The following MDGA2 variants were observed in gnomAD, a reference collection of about 807,000 sequenced individuals.
The protein encoded by MDGA2 is MAM domain containing glycosylphosphatidylinositol anchor 2.
Under a neutral mutation model 117.8 loss-of-function variants are expected in MDGA2, and 40 were observed. That is an observed-to-expected ratio of 0.34 (90% CI 0.26 to 0.44). The LOEUF is 0.44. Among genes scored for constraint, MDGA2 ranks in the 20% least tolerant of loss-of-function variants. The pLI, the probability that MDGA2 is intolerant of heterozygous loss-of-function variation, is 1.00. For missense variants in MDGA2, 1,123 were observed against 1,250.6 expected, an observed-to-expected ratio of 0.90 and a Z score of 1.54; for synonymous variants, 452 against 439.0, an observed-to-expected ratio of 1.03 and a Z score of -0.37.
intron 4 of MDGA2, among the ~76,000 whole-genome samples, chr14:47,132,802 T>A (rs1446887010): frequency 1.3e-5 from 2 of 151,942 alleles, no homozygotes; most frequent in African/African-American, 2.4e-5. Flanking sequence ...AATGTTTATT[T>A]TTTCCAGATA....
chr14:47,124,162 GT>G (rs1428735323), intron 5 of MDGA2, among the ~76,000 whole-genome samples: 4 of 151,952 alleles, frequency 2.6e-5, no homozygotes, highest in Non-Finnish European at 4.4e-5. Context: ...AAAGTCCAAT[GT>G]TTTTTCTTCC....
chr14:47,211,891 T>C (rs1885896528), intron 3 of MDGA2, among the ~76,000 whole-genome samples: 1 of 152,224 alleles, frequency 6.6e-6, no homozygotes, highest in Non-Finnish European at 1.5e-5. Flanking sequence ...ATTAACCTTA[T>C]TACTTAACAT....
intron 1 of MDGA2, among the ~76,000 whole-genome samples, chr14:47,418,975 A>C (rs1892526635): frequency 6.6e-6 from 1 of 152,206 alleles, no homozygotes; most frequent in Admixed American, 6.5e-5. Flanking sequence ...ATTGTAGATT[A>C]GAAAAGGATT....
chr14:47,401,827 T>C (rs1229527442), intron 1 of MDGA2, among the ~76,000 whole-genome samples: 1 of 152,170 alleles, frequency 6.6e-6, no homozygotes, highest in South Asian at 2.1e-4. Flanking sequence ...AATTAAGTGA[T>C]AAATTATGAT....
At chr14:47,118,234 G>C (rs1018293122) in intron 5 of MDGA2, among the ~76,000 whole-genome samples, 5 of 152,136 alleles carry the variant, frequency 3.3e-5, no homozygotes, top group Non-Finnish European at 5.9e-5. Context: ...ATTCAGAGCA[G>C]ATTGTTGCCA....
chr14:47,214,099 G>A (rs1885996724), intron 3 of MDGA2, among the ~76,000 whole-genome samples: 1 of 152,028 alleles, frequency 6.6e-6, no homozygotes, highest in African/African-American at 2.4e-5. Flanking sequence ...CCACCTGCAT[G>A]ATTCAATTAC....
At chr14:47,230,511 G>C (rs1161633000) in intron 2 of MDGA2, among the ~76,000 whole-genome samples, 1 of 151,894 alleles carries the variant, frequency 6.6e-6, no homozygotes, top group Non-Finnish European at 1.5e-5. Context: ...CTGCCCCTCT[G>C]CATTTTTCCA....
chr14:47,325,570 C>T (rs1456964940), intron 1 of MDGA2, among the ~76,000 whole-genome samples: 12 of 151,886 alleles, frequency 7.9e-5, no homozygotes, highest in Admixed American at 3.9e-4. Context: ...TAATATGACA[C>T]GAGGACATGA....
intron 1 of MDGA2, among the ~76,000 whole-genome samples, chr14:47,430,696 G>A (rs1280008438): frequency 1.3e-5 from 2 of 152,014 alleles, no homozygotes; most frequent in Non-Finnish European, 2.9e-5. Flanking sequence ...CCTATATCAA[G>A]TAAGCACTTG....
At chr14:47,347,500 C>T (rs1890786385) in intron 1 of MDGA2, among the ~76,000 whole-genome samples, 1 of 152,124 alleles carries the variant, frequency 6.6e-6, no homozygotes, top group Non-Finnish European at 1.5e-5. Flanking sequence ...GTCTAATAGA[C>T]AAGATGACTC....
At chr14:47,217,910 T>C in intron 3 of MDGA2, 111 bp downstream of exon 3, 1 of 859,014 alleles carries the variant, frequency 1.2e-6, no homozygotes, top group East Asian at 3.0e-5. Context: ...TTTTACACAG[T>C]TTTCATTCTC....
rs1480841425 is a variant in MDGA2 at position 47,237,100 on chromosome 14, T to TA, written c.421-18906_421-18905insT. ...CCTATCCCACAACCTAAATCTAATT[T>TA]GACAGACATTATTAATTCAGATTAA... is the stretch of plus-strand genomic sequence containing the variant. On this transcript the variant is annotated intron_variant, in intron 2 of 16. Transcript: ENST00000399232. 7.2e-5 allele frequency among the ~76,000 whole-genome samples: 11 copies of TA among 152,214 alleles called. No individual in the cohort carries two copies. The East Asian group carries it at 1.5e-3, about 21-fold the overall frequency.
chr14:47,628,063 T>G (rs989884281), intron 1 of MDGA2, among the ~76,000 whole-genome samples: 1 of 152,134 alleles, frequency 6.6e-6, no homozygotes, highest in African/African-American at 2.4e-5. Context: ...GGGGTTTTGG[T>G]GGGGTAGGTA....
chr14:47,297,325 T>A (rs1889106879), intron 2 of MDGA2, among the ~76,000 whole-genome samples: 1 of 151,730 alleles, frequency 6.6e-6, no homozygotes, highest in Non-Finnish European at 1.5e-5. Flanking sequence ...TCCTACTGTT[T>A]AAGTCATTTA....
chr14:47,202,001 TA>T (rs1346493717), intron 3 of MDGA2, among the ~76,000 whole-genome samples: 4 of 152,216 alleles, frequency 2.6e-5, no homozygotes, highest in African/African-American at 9.7e-5. Context: ...AATAGTGATA[TA>T]ATTTTAATAT....
chr14:46,979,165 A>G (rs774120854), intron 8 of MDGA2, among the ~76,000 whole-genome samples: 15 of 151,774 alleles, frequency 9.9e-5, no homozygotes, highest in Non-Finnish European at 1.9e-4. Context: ...CCTTTTTTTC[A>G]GTGATCTTAC....
chr14:47,273,285 A>G (rs1888206314), intron 2 of MDGA2, among the ~76,000 whole-genome samples: 1 of 152,178 alleles, frequency 6.6e-6, no homozygotes, highest in African/African-American at 2.4e-5. Flanking sequence ...TTCTGATATT[A>G]TTAATGAAGC....
At chr14:46,854,078 G>T (rs1881167792) in intron 15 of MDGA2, among the ~76,000 whole-genome samples, 1 of 151,574 alleles carries the variant, frequency 6.6e-6, no homozygotes, top group South Asian at 2.1e-4. Flanking sequence ...ATTTAGAAGT[G>T]CAATCTCCAA....
At position 47,020,314 on chromosome 14, in the gene MDGA2, CATTT is replaced by C. The variant is rs1173081793; in HGVS notation, c.1819+14693_1819+14696del. Among the ~76,000 whole-genome samples, 6 of 152,144 alleles carry C rather than the reference CATTT, an allele frequency of 3.9e-5. No individual in the cohort carries two copies. The East Asian group carries it at 5.8e-4, about 15-fold the overall frequency. On this transcript the variant is annotated intron_variant, in intron 8 of 16. Coordinates refer to ENST00000399232, the MANE Select transcript of MDGA2 (RefSeq NM_001113498.3). The stretch of plus-strand genomic sequence containing the variant: ...GTGATTCTTAGTAAATACTAGAATA[CATTT>C]ATTTAGTCATCAATGTCAAAACTCT...
Sources: allele counts gnomAD v4.1 joint callset (sites outside exome capture counted in the v4.1 genomes callset), GRCh38; gene constraint gnomAD v4.1.1; transcripts MANE v1.5; gene names NCBI Gene and HGNC (gene_info 2026-07-23, HGNC 2026-07-21).